Variants in RBFOX1 observed in about 807,000 individuals in gnomAD.
RBFOX1 encodes RNA binding fox-1 homolog 1.
Under a neutral mutation model 57.7 loss-of-function variants are expected in RBFOX1, and 8 were observed. That is an observed-to-expected ratio of 0.14 (90% confidence interval 0.08 to 0.25). The LOEUF (loss-of-function observed/expected upper bound fraction) is 0.25. Ranked by LOEUF, RBFOX1 falls within the 10% of genes least tolerant of loss-of-function variation. The pLI, the probability that RBFOX1 is intolerant of heterozygous loss-of-function variation, is 1.00. For missense variants in RBFOX1, 611 were observed against 548.5 expected (o/e 1.11, Z -1.14); for synonymous variants, 326 against 222.4 (o/e 1.47, Z -4.15).
intron 6 of RBFOX1, among the ~76,000 whole-genome samples, chr16:7,582,305 T>C (rs371448966): frequency 6.6e-5 from 10 of 152,334 alleles, no homozygotes; most frequent in African/African-American, 2.2e-4. Context: ...CTCAACCTTG[T>C]TCATCACAAA....
chr16:6,096,380 G>A (rs2096245645), intron 1 of RBFOX1, among the ~76,000 whole-genome samples: 1 of 152,168 alleles, frequency 6.6e-6, no homozygotes, highest in Non-Finnish European at 1.5e-5. Context: ...ACCCCACTAT[G>A]TTTGCTCTCG....
intron 2 of RBFOX1, among the ~76,000 whole-genome samples, chr16:6,550,910 C>T (rs764243318): frequency 6.6e-6 from 1 of 152,134 alleles, no homozygotes; most frequent in Non-Finnish European, 1.5e-5. Context: ...GGTGTGAATA[C>T]TCGGGCAACT....
At chr16:7,582,700 A>C (rs1306714001) in intron 6 of RBFOX1, among the ~76,000 whole-genome samples, 1 of 152,210 alleles carries the variant, frequency 6.6e-6, no homozygotes, top group Non-Finnish European at 1.5e-5. Context: ...CGTTATTTGG[A>C]CATGAGACAT....
intron 5 of RBFOX1, among the ~76,000 whole-genome samples, chr16:7,524,568 G>A (rs140252071): frequency 1.2e-4 from 18 of 152,172 alleles, no homozygotes; most frequent in African/African-American, 3.1e-4. Flanking sequence ...TATTTTTAAC[G>A]CTTCTGCAGT....
chr16:6,028,277 G>A (rs1342770336), intron 1 of RBFOX1, among the ~76,000 whole-genome samples: 1 of 152,158 alleles, frequency 6.6e-6, no homozygotes, highest in African/African-American at 2.4e-5. Flanking sequence ...GTGTGTGCAT[G>A]CAGAAATTCC....
chr16:5,432,561 T>TTG (rs2067781868), intron 1 of RBFOX1, among the ~76,000 whole-genome samples: 4 of 32,342 alleles, frequency 1.2e-4, no homozygotes, highest in African/African-American at 3.4e-4. Flanking sequence ...GTTTGTTTGT[T>TTG]TTTTTTTTTT....
At chr16:6,178,666 C>T (rs2097034728) in intron 1 of RBFOX1, among the ~76,000 whole-genome samples, 1 of 152,180 alleles carries the variant, frequency 6.6e-6, no homozygotes, top group Non-Finnish European at 1.5e-5. Context: ...AATCTTTGAG[C>T]CCGGATGATC....
intron 2 of RBFOX1, among the ~76,000 whole-genome samples, chr16:5,497,072 A>G (rs989464294): frequency 3.9e-5 from 6 of 152,140 alleles, no homozygotes; most frequent in African/African-American, 1.2e-4. Context: ...TATCCAGACA[A>G]TGCTCCTTCT....
intron 4 of RBFOX1, among the ~76,000 whole-genome samples, chr16:7,403,666 C>A (rs963490785): frequency 6.6e-6 from 1 of 151,122 alleles, no homozygotes; most frequent in Non-Finnish European, 1.5e-5. Context: ...CCTGCCTCAG[C>A]CTCCTGAATA....
chr16:5,965,114 C>T (rs1445278389), intron 4 of RBFOX1, among the ~76,000 whole-genome samples: 1 of 152,040 alleles, frequency 6.6e-6, no homozygotes, highest in African/African-American at 2.4e-5. Flanking sequence ...GGGTAAAATG[C>T]TGGTTACTCA....
At chr16:6,968,553 T>C (rs1262169124) in intron 3 of RBFOX1, among the ~76,000 whole-genome samples, 2 of 152,140 alleles carry the variant, frequency 1.3e-5, no homozygotes, top group East Asian at 3.9e-4. Flanking sequence ...AGAGGAAGTC[T>C]GGCAGGGAAA....
At chr16:5,552,593 T>G (rs1198606750) in intron 2 of RBFOX1, among the ~76,000 whole-genome samples, 1 of 152,166 alleles carries the variant, frequency 6.6e-6, no homozygotes, top group Non-Finnish European at 1.5e-5. Flanking sequence ...TGTCAGAGGA[T>G]GGAGGTCAGC....
At chr16:5,565,627 CATAAATAAATAAATAAATAAATAA>C (rs55680549) in intron 2 of RBFOX1, among the ~76,000 whole-genome samples, 8 of 142,756 alleles carry the variant, frequency 5.6e-5, no homozygotes, top group Non-Finnish European at 9.1e-5. Context: ...CTCTGCCTTA[CATAAATAAATAAATAAATAAATAA>C]ATAAATAAAT....
At chr16:5,825,564 AACCATGT>A (rs1223228336) in intron 3 of RBFOX1, among the ~76,000 whole-genome samples, 1 of 152,206 alleles carries the variant, frequency 6.6e-6, no homozygotes, top group African/African-American at 2.4e-5. Flanking sequence ...TTATGGTAAA[AACCATGT>A]AACATAAAAG....
intron 3 of RBFOX1, among the ~76,000 whole-genome samples, chr16:5,641,838 A>G (rs933345162): frequency 2.0e-5 from 3 of 152,240 alleles, no homozygotes; most frequent in Non-Finnish European, 4.4e-5. Flanking sequence ...ATCAAGGAGC[A>G]CATCACAGAG....
intron 2 of RBFOX1, among the ~76,000 whole-genome samples, chr16:6,365,840 A>C (rs1216972305): frequency 6.6e-6 from 1 of 152,230 alleles, no homozygotes; most frequent in Non-Finnish European, 1.5e-5. Context: ...GAGAATTAAA[A>C]GATATCTAGA....
chr16:7,248,467 A>G (rs1012052211), intron 4 of RBFOX1, among the ~76,000 whole-genome samples: 5 of 152,196 alleles, frequency 3.3e-5, no homozygotes, highest in African/African-American at 9.7e-5. Flanking sequence ...ATCTGAATGA[A>G]CAGAGACTTT....
chr16:6,685,362 G>A (rs1179443016), intron 3 of RBFOX1, among the ~76,000 whole-genome samples: 5 of 135,046 alleles, frequency 3.7e-5, no homozygotes, highest in African/African-American at 1.4e-4. Flanking sequence ...TGCAACCTCC[G>A]CCTCCCAGGT....
At chr16:7,653,509 TAA>T (rs2065565692) in intron 11 of RBFOX1, among the ~76,000 whole-genome samples, 1 of 152,154 alleles carries the variant, frequency 6.6e-6, no homozygotes, top group African/African-American at 2.4e-5. Context: ...CTGTCTCAAA[TAA>T]ACTCATTAAT....
Sources: gnomAD v4.1 joint callset for allele counts (sites outside exome capture counted in the v4.1 genomes callset) on GRCh38, gnomAD v4.1.1 for gene constraint, MANE v1.5 for transcripts, NCBI Gene and HGNC (gene_info 2026-07-23, HGNC 2026-07-21) for gene names.